Variants in CDH13 observed in about 807,000 individuals in gnomAD.
CDH13 encodes the protein cadherin 13.
CDH13 carries 24 observed loss-of-function variants against 63.8 expected under a neutral mutation model. The observed-to-expected ratio is 0.38, with a 90% CI of 0.27 to 0.53. The LOEUF is 0.53. CDH13 is among the 20% of genes least tolerant of loss of function. The pLI is 0.85. For synonymous variants in CDH13, 503 were observed against 355.3 expected (o/e 1.42, Z -4.67); for missense variants, 1,049 against 903.1 (o/e 1.16, Z -2.07).
intron 1 of CDH13, among the ~76,000 whole-genome samples, chr16:82,718,569 T>C (rs779835902): frequency 6.6e-5 from 10 of 152,182 alleles, no homozygotes; most frequent in Non-Finnish European, 1.2e-4. Flanking sequence ...ATTTTCACGC[T>C]GCTGATAAAG....
At chr16:83,484,952 G>A (rs2073853258) in intron 6 of CDH13, among the ~76,000 whole-genome samples, 1 of 152,216 alleles carries the variant, frequency 6.6e-6, no homozygotes, top group South Asian at 2.1e-4. Flanking sequence ...TGTTGTTCCT[G>A]CTGCCATCCA....
intron 8 of CDH13, among the ~76,000 whole-genome samples, chr16:83,653,403 C>T (rs1038487169): frequency 2.7e-5 from 4 of 150,886 alleles, no homozygotes; most frequent in African/African-American, 7.3e-5. Context: ...CCTTTTTAGG[C>T]AGAACTTGAG....
At chr16:82,725,350 A>G (rs2033034998) in intron 1 of CDH13, among the ~76,000 whole-genome samples, 1 of 152,126 alleles carries the variant, frequency 6.6e-6, no homozygotes, top group Non-Finnish European at 1.5e-5. Context: ...GTCTTGGCTT[A>G]TTGTTCTCTC....
At chr16:83,463,718 C>T (rs1194432706) in intron 6 of CDH13, among the ~76,000 whole-genome samples, 1 of 152,132 alleles carries the variant, frequency 6.6e-6, no homozygotes, top group African/African-American at 2.4e-5. Context: ...GGTGGGAGGA[C>T]CACTTGAGCC....
chr16:83,587,260 C>CT (rs1567786825), intron 7 of CDH13, among the ~76,000 whole-genome samples: 1 of 152,160 alleles, frequency 6.6e-6, no homozygotes, highest in African/African-American at 2.4e-5. Flanking sequence ...TTGCGCTTTT[C>CT]TAAGGGGAGG....
At chr16:83,215,207 A>T (rs1280416380) in intron 4 of CDH13, among the ~76,000 whole-genome samples, 3 of 147,402 alleles carry the variant, frequency 2.0e-5, no homozygotes, top group Non-Finnish European at 4.5e-5. Context: ...CTCCAGAGTA[A>T]CAGGGATTAC....
intron 13 of CDH13, among the ~76,000 whole-genome samples, chr16:83,786,347 C>G (rs1915877880): frequency 6.6e-6 from 1 of 152,154 alleles, no homozygotes; most frequent in African/African-American, 2.4e-5. Context: ...TGCTGCACGT[C>G]AGAACCACTT....
chr16:82,985,520 A>G (rs764403159), intron 2 of CDH13, among the ~76,000 whole-genome samples: 1 of 152,176 alleles, frequency 6.6e-6, no homozygotes, highest in Non-Finnish European at 1.5e-5. Context: ...TCTTGCAGAT[A>G]AATTCTCACT....
At chr16:83,210,469 T>A (rs1428566856) in intron 4 of CDH13, among the ~76,000 whole-genome samples, 1 of 152,010 alleles carries the variant, frequency 6.6e-6, no homozygotes. Context: ...AAAAGAGAAA[T>A]CAGAAACATG....
intron 1 of CDH13, among the ~76,000 whole-genome samples, chr16:82,766,316 C>T (rs2035052310): frequency 6.6e-6 from 1 of 152,164 alleles, no homozygotes; most frequent in South Asian, 2.1e-4. Flanking sequence ...ATATTTAACA[C>T]CAGGTCCAAA....
At chr16:83,734,673 G>GT in intron 10 of CDH13, among the ~76,000 whole-genome samples, 1 of 150,848 alleles carries the variant, frequency 6.6e-6, no homozygotes, top group East Asian at 1.9e-4. Flanking sequence ...CATGGCACAT[G>GT]TATACATATG....
At chr16:83,434,149 T>C (rs1486875114) in intron 6 of CDH13, among the ~76,000 whole-genome samples, 1 of 152,178 alleles carries the variant, frequency 6.6e-6, no homozygotes, top group African/African-American at 2.4e-5. Context: ...GTACCTAAGC[T>C]GAGGTACCAC....
chr16:82,701,445 A>T (rs887375332), intron 1 of CDH13, among the ~76,000 whole-genome samples: 1 of 152,068 alleles, frequency 6.6e-6, no homozygotes, highest in Non-Finnish European at 1.5e-5. Context: ...TCTGATTGCA[A>T]GTGATAGAAA....
intron 5 of CDH13, among the ~76,000 whole-genome samples, chr16:83,307,580 C>T (rs1597713755): frequency 6.6e-6 from 1 of 152,184 alleles, no homozygotes; most frequent in African/African-American, 2.4e-5. Flanking sequence ...CATGAATTTC[C>T]TCCCTTGGGG....
At chr16:82,873,064 G>A (rs1023942086) in intron 2 of CDH13, among the ~76,000 whole-genome samples, 2 of 152,174 alleles carry the variant, frequency 1.3e-5, no homozygotes, top group African/African-American at 2.4e-5. Context: ...TTTCTGCATG[G>A]CTGCTGAAGA....
chr16:83,343,365 C>G (rs1012212716), intron 5 of CDH13, among the ~76,000 whole-genome samples: 4 of 152,112 alleles, frequency 2.6e-5, no homozygotes, highest in African/African-American at 9.7e-5. Context: ...ACAAACATTC[C>G]TTCAACTAGT....
intron 2 of CDH13, among the ~76,000 whole-genome samples, chr16:82,973,728 C>T (rs567865703): frequency 6.6e-6 from 1 of 152,238 alleles, no homozygotes; most frequent in South Asian, 2.1e-4. Context: ...TCTTTTTATT[C>T]TTCTATCCCA....
chr16:83,107,776 C>G (rs1386977094), intron 3 of CDH13, among the ~76,000 whole-genome samples: 1 of 149,618 alleles, frequency 6.7e-6, no homozygotes, highest in African/African-American at 2.5e-5. Flanking sequence ...ATTCCTCTGA[C>G]TCTTTGTCCC....
intron 1 of CDH13, among the ~76,000 whole-genome samples, chr16:82,632,346 C>A (rs1908115208): frequency 6.6e-6 from 1 of 152,186 alleles, no homozygotes; most frequent in African/African-American, 2.4e-5. Context: ...GCCTTTTCTC[C>A]TTCCCTGTGA....
Sources: allele counts gnomAD v4.1 joint callset (sites outside exome capture counted in the v4.1 genomes callset), GRCh38; gene constraint gnomAD v4.1.1; transcripts MANE v1.5; gene names NCBI Gene and HGNC (gene_info 2026-07-23, HGNC 2026-07-21).